HDAC9: variants seen among roughly 807,000 people sequenced by gnomAD.
The protein encoded by HDAC9 is MEF-2 interacting transcription repressor (MITR) protein.
In HDAC9, 41 loss-of-function variants were observed where a neutral mutation model predicts 139.4. The ratio of observed to expected loss-of-function variants is 0.29; its 90% CI spans 0.23 to 0.38. HDAC9 has a LOEUF of 0.38. HDAC9 is among the 10% of genes least tolerant of loss of function. The pLI is 1.00. For synonymous variants in HDAC9, 517 were observed against 476.2 expected (o/e 1.09, Z -1.12); for missense variants, 1,147 against 1,297.0 (o/e 0.88, Z 1.78).
At chr7:18,158,101 G>T (rs1787360407) in intron 1 of HDAC9, among the ~76,000 whole-genome samples, 1 of 152,080 alleles carries the variant, frequency 6.6e-6, no homozygotes, top group Non-Finnish European at 1.5e-5. Context: ...AATAGACAAG[G>T]TTTTTGTTAC....
At chr7:18,173,131 G>T (rs1391503406) in intron 2 of HDAC9, among the ~76,000 whole-genome samples, 3 of 152,132 alleles carry the variant, frequency 2.0e-5, no homozygotes, top group Non-Finnish European at 4.4e-5. Context: ...GAATCTGGGT[G>T]CTCCTCTATT....
chr7:18,393,512 A>C (rs2128725829), intron 1 of HDAC9, among the ~76,000 whole-genome samples: 2 of 152,262 alleles, frequency 1.3e-5, no homozygotes, highest in East Asian at 3.9e-4. Context: ...TAGGTTTAAA[A>C]TTAAGTTTTT....
At chr7:18,824,335 G>A (rs138031589) in intron 17 of HDAC9, among the ~76,000 whole-genome samples, 42 of 152,282 alleles carry the variant, frequency 2.8e-4, no homozygotes, top group African/African-American at 9.9e-4. Context: ...CACAAAGGAA[G>A]TATGCTGGTG....
intron 2 of HDAC9, among the ~76,000 whole-genome samples, chr7:18,207,517 TC>T (rs1278215301): frequency 1.6e-5 from 2 of 126,408 alleles, no homozygotes; most frequent in African/African-American, 5.7e-5. Context: ...AGCTGTCCTC[TC>T]ACCTCATCTG....
At chr7:18,634,526 A>G in intron 7 of HDAC9, 101 bp from the exon 8 acceptor site, 1 of 706,474 alleles carries the variant, frequency 1.4e-6, no homozygotes, top group South Asian at 2.0e-5. Context: ...TTGCATTTAC[A>G]TAGGGGGAAA....
At chr7:18,711,938 T>A (rs970580319) in intron 12 of HDAC9, among the ~76,000 whole-genome samples, 1 of 151,910 alleles carries the variant, frequency 6.6e-6, no homozygotes, top group African/African-American at 2.4e-5. Context: ...ACTTCTTTTT[T>A]TTTTTTTTTC....
At chr7:18,196,136 A>G (rs1219178667) in intron 2 of HDAC9, among the ~76,000 whole-genome samples, 1 of 152,134 alleles carries the variant, frequency 6.6e-6, no homozygotes, top group Admixed American at 6.6e-5. Flanking sequence ...TTATATATCC[A>G]TTGCCTTGCA....
intron 1 of HDAC9, among the ~76,000 whole-genome samples, chr7:18,149,312 T>G (rs900993924): frequency 6.6e-6 from 1 of 150,562 alleles, no homozygotes; most frequent in Non-Finnish European, 1.5e-5. Flanking sequence ...TTAATTATAA[T>G]ATTTAACAAC....
At chr7:18,496,488 A>T (rs896960527) in intron 2 of HDAC9, 164 bp downstream of exon 2, 4 of 612,514 alleles carry the variant, frequency 6.5e-6, no homozygotes, top group Non-Finnish European at 1.2e-5. Context: ...CCCTTCCATT[A>T]CTGTTTCTGT....
intron 6 of HDAC9, among the ~76,000 whole-genome samples, chr7:18,625,254 C>A (rs1208283735): frequency 6.6e-6 from 1 of 152,118 alleles, no homozygotes; most frequent in African/African-American, 2.4e-5. Context: ...CTCTCAATTT[C>A]TAATAATCTC....
At chr7:18,904,168 C>T (rs754311132) in intron 22 of HDAC9, among the ~76,000 whole-genome samples, 11 of 152,176 alleles carry the variant, frequency 7.2e-5, no homozygotes, top group African/African-American at 2.7e-4. Flanking sequence ...TTACTTTCTA[C>T]TTTAGTGGCA....
intron 12 of HDAC9, chr7:18,668,205 T>A (rs768915026): frequency 1.1e-6 from 1 of 890,828 alleles, no homozygotes; most frequent in Non-Finnish European, 1.3e-6. Flanking sequence ...GTTAGAAAGT[T>A]TAAAAGTTTT....
intron 11 of HDAC9, among the ~76,000 whole-genome samples, chr7:18,663,439 C>A (rs801521): frequency 0.21 from 31,366 of 151,796 alleles, 5,484 homozygotes; most frequent in African/African-American, 0.48. Flanking sequence ...AGCTAGGTTC[C>A]AAGTCGCGCC....
At chr7:18,207,681 C>G (rs906699182) in intron 2 of HDAC9, among the ~76,000 whole-genome samples, 2 of 151,424 alleles carry the variant, frequency 1.3e-5, no homozygotes, top group South Asian at 4.1e-4. Context: ...CATACTGTCT[C>G]TCATAATTAT....
At chr7:18,830,143 C>A (rs1462307506) in intron 19 of HDAC9, among the ~76,000 whole-genome samples, 1 of 152,132 alleles carries the variant, frequency 6.6e-6, no homozygotes, top group Non-Finnish European at 1.5e-5. Flanking sequence ...ATTTGTCTAA[C>A]AAATGGTTTG....
intron 21 of HDAC9, among the ~76,000 whole-genome samples, chr7:18,871,524 C>T (rs972119412): frequency 2.6e-5 from 4 of 152,088 alleles, no homozygotes; most frequent in African/African-American, 9.7e-5. Flanking sequence ...ACCATGAGTT[C>T]GTATGTATCT....
At chr7:18,170,114 A>G (rs1299300477) in intron 2 of HDAC9, among the ~76,000 whole-genome samples, 1 of 152,174 alleles carries the variant, frequency 6.6e-6, no homozygotes, top group African/African-American at 2.4e-5. Context: ...CATCCTCTCC[A>G]GCATTTGTTG....
In HDAC9 at chr7:18,880,498, T is replaced by C. The variant is rs1563017072; in HGVS notation, c.2803+5902T>C. On this transcript the variant is annotated intron_variant, in intron 22 of 25. Transcript: ENST00000686413. ...TAAAAAAGAACAAGCTCATGTCTTT[T>C]GTGGAATCATGGATGGAGCTGGAGG... is the stretch of plus-strand genomic sequence containing the variant. Among the ~76,000 whole-genome samples the C allele has an allele frequency of 2.0e-5, 3 of 152,124 alleles. No individual in the cohort carries two copies. The South Asian group carries it at 6.2e-4, about 32-fold the overall frequency.
intron 2 of HDAC9, among the ~76,000 whole-genome samples, chr7:18,248,709 C>G (rs1302550498): frequency 6.6e-6 from 1 of 152,146 alleles, no homozygotes; most frequent in Non-Finnish European, 1.5e-5. Flanking sequence ...CTGTAAAAGT[C>G]TTCTCACCAA....
Sources: allele counts gnomAD v4.1 joint callset (sites outside exome capture counted in the v4.1 genomes callset), GRCh38; gene constraint gnomAD v4.1.1; transcripts MANE v1.5; gene names NCBI Gene and HGNC (gene_info 2026-07-23, HGNC 2026-07-21).